Variants in AGBL3 observed in about 807,000 individuals in gnomAD.
AGBL3 encodes the protein AGBL carboxypeptidase 3.
A neutral mutation model predicts 94.5 loss-of-function variants in AGBL3; 68 were observed. The observed-to-expected ratio is 0.72, with a 90% CI of 0.59 to 0.88. The LOEUF (loss-of-function observed/expected upper bound fraction) is 0.88. AGBL3 is among the 40% of genes least tolerant of loss of function. The pLI is 0.00. For synonymous variants in AGBL3, 354 were observed against 370.7 expected (o/e 0.95, Z 0.52); for missense variants, 934 against 1,103.8 (o/e 0.85, Z 2.18).
intron 16 of AGBL3, among the ~76,000 whole-genome samples, chr7:135,130,062 C>G (rs1044168227): frequency 2.0e-5 from 3 of 152,156 alleles, no homozygotes; most frequent in African/African-American, 7.2e-5. Flanking sequence ...AGAAGCTTCC[C>G]TCTAAGACAT....
chr7:135,008,800 G>A (rs1208475741), intron 4 of AGBL3, among the ~76,000 whole-genome samples: 1 of 152,036 alleles, frequency 6.6e-6, no homozygotes, highest in Non-Finnish European at 1.5e-5. Flanking sequence ...ATATTAAAAA[G>A]ACAAATTTTA....
chr7:135,056,149 T>G (rs1248267713), intron 11 of AGBL3, among the ~76,000 whole-genome samples: 2 of 152,086 alleles, frequency 1.3e-5, no homozygotes, highest in African/African-American at 4.8e-5. Flanking sequence ...GGTTCTTTCT[T>G]TTTTCTTGGT....
chr7:135,110,237 G>A (rs577082789), intron 15 of AGBL3, among the ~76,000 whole-genome samples: 1 of 152,248 alleles, frequency 6.6e-6, no homozygotes, highest in African/African-American at 2.4e-5. Context: ...CCAAGCCAGT[G>A]GGTCTTATCC....
chr7:135,101,015 T>G (rs1334233680), intron 15 of AGBL3: 2 of 358,780 alleles, frequency 5.6e-6, no homozygotes, highest in African/African-American at 4.3e-5. Flanking sequence ...AACATGGCTA[T>G]TACATTACTC....
chr7:135,078,583 C>T (rs920940997), intron 13 of AGBL3, among the ~76,000 whole-genome samples: 1 of 151,956 alleles, frequency 6.6e-6, no homozygotes, highest in Non-Finnish European at 1.5e-5. Context: ...GTTTTCCTCA[C>T]GTATCCAAGC....
chr7:135,110,903 T>G (rs1217408666), intron 15 of AGBL3, among the ~76,000 whole-genome samples: 1 of 152,210 alleles, frequency 6.6e-6, no homozygotes, highest in Non-Finnish European at 1.5e-5. Flanking sequence ...GCCCCTATCT[T>G]AGATTACAGA....
chr7:134,995,469 G>A (rs1354278528), intron 4 of AGBL3: 1 of 152,212 alleles, frequency 6.6e-6, no homozygotes, highest in African/African-American at 2.4e-5. Context: ...AGAGTGGGGA[G>A]AGTTTCTATT....
intron 7 of AGBL3, among the ~76,000 whole-genome samples, chr7:135,036,297 GTT>G (rs1816300052): frequency 6.6e-6 from 1 of 151,718 alleles, no homozygotes; most frequent in African/African-American, 2.4e-5. Context: ...CTTATTTTTT[GTT>G]TTGTTATTTT....
intron 11 of AGBL3, among the ~76,000 whole-genome samples, chr7:135,048,275 G>C (rs1817557421): frequency 1.3e-5 from 2 of 151,828 alleles, no homozygotes; most frequent in African/African-American, 4.8e-5. Context: ...TGAAATCAGA[G>C]AAAGTGATGA....
At chr7:135,057,861 T>C (rs7789060) in intron 11 of AGBL3, among the ~76,000 whole-genome samples, 39,466 of 152,086 alleles carry the variant, frequency 0.26, 5,777 homozygotes, top group East Asian at 0.59. Flanking sequence ...GTGGAAAATG[T>C]AAGTCTGAAA....
At chr7:135,096,574 TAGATAGATACATAGATAGATAGATA>T (rs1822798309) in intron 15 of AGBL3, among the ~76,000 whole-genome samples, 1 of 31,096 alleles carries the variant, frequency 3.2e-5, no homozygotes, top group African/African-American at 1.1e-4. Context: ...GATAGATAGA[TAGATAGATACATAGATAGATAGATA>T]GATAGATAGA....
At chr7:135,036,574 C>T (rs1427940194) in intron 7 of AGBL3, among the ~76,000 whole-genome samples, 1 of 152,090 alleles carries the variant, frequency 6.6e-6, no homozygotes, top group Non-Finnish European at 1.5e-5. Context: ...GAAGCATTCC[C>T]CATTCTTAAT....
At chr7:134,997,516 T>G (rs1458634291) in intron 4 of AGBL3, among the ~76,000 whole-genome samples, 1 of 152,236 alleles carries the variant, frequency 6.6e-6, no homozygotes, top group Non-Finnish European at 1.5e-5. Flanking sequence ...TGGTTTCTAT[T>G]GCAGGTTGGT....
intron 12 of AGBL3, among the ~76,000 whole-genome samples, chr7:135,066,009 T>C (rs986117226): frequency 6.6e-6 from 1 of 152,138 alleles, no homozygotes; most frequent in African/African-American, 2.4e-5. Flanking sequence ...ACGTAAGACC[T>C]GAAACCATAA....
chr7:135,056,506 T>C (rs1045335303), intron 11 of AGBL3, among the ~76,000 whole-genome samples: 2 of 151,986 alleles, frequency 1.3e-5, no homozygotes, highest in African/African-American at 4.8e-5. Flanking sequence ...ATGTAGAAAA[T>C]ATCAAAGAAT....
intron 12 of AGBL3, among the ~76,000 whole-genome samples, chr7:135,065,933 A>G (rs1819251941): frequency 6.6e-6 from 1 of 152,176 alleles, no homozygotes; most frequent in African/African-American, 2.4e-5. Context: ...ATATACATAA[A>G]ACAGAATGAA....
chr7:135,004,543 GAC>G (rs1482959783), intron 4 of AGBL3, among the ~76,000 whole-genome samples: 1 of 151,600 alleles, frequency 6.6e-6, no homozygotes, highest in Non-Finnish European at 1.5e-5. Context: ...GTTTTAGAGA[GAC>G]AGAGAATATT....
chr7:135,077,865 G>A (rs963794280), intron 13 of AGBL3, among the ~76,000 whole-genome samples: 2 of 152,194 alleles, frequency 1.3e-5, no homozygotes, highest in African/African-American at 4.8e-5. Context: ...CCTATCTGTA[G>A]AAAGACTGCC....
intron 5 of AGBL3, among the ~76,000 whole-genome samples, chr7:135,032,538 A>T (rs1815873386): frequency 6.6e-6 from 1 of 150,536 alleles, no homozygotes; most frequent in South Asian, 2.1e-4. Context: ...GGTGGTCTCG[A>T]ACTCCTCGAG....
Sources: gnomAD v4.1 joint callset for allele counts (sites outside exome capture counted in the v4.1 genomes callset) on GRCh38, gnomAD v4.1.1 for gene constraint, MANE v1.5 for transcripts, NCBI Gene and HGNC (gene_info 2026-07-23, HGNC 2026-07-21) for gene names.